Variants in C3 observed in about 807,000 individuals in gnomAD.
C3 encodes complement C3, also known as C3 and PZP-like alpha-2-macroglobulin domain-containing protein 1.
A neutral mutation model predicts 207.9 loss-of-function variants in C3; 97 were observed. That is an observed-to-expected ratio of 0.47 (90% CI 0.40 to 0.55). The LOEUF is 0.55. Ranked by LOEUF, C3 falls within the 20% of genes least tolerant of loss-of-function variation. The pLI is 0.00. For synonymous variants in C3, 848 were observed against 857.6 expected (o/e 0.99, Z 0.20); for missense variants, 1,684 against 2,171.7 (o/e 0.78, Z 4.46).
At chr19:6,689,217 G>T (rs756506296) in intron 27 of C3, among the ~76,000 whole-genome samples, 1 of 151,988 alleles carries the variant, frequency 6.6e-6, no homozygotes, top group Non-Finnish European at 1.5e-5. Context: ...CCAATTTACA[G>T]ATGCACATCC....
rs370787795 is a variant in C3, at chr19:6,678,041, A to T, written c.4851-18T>A. ...AGCTGAGGCTGGAGGGAAGAATGGC[A>T]GGTCAGGAAGGGGCGTGGTGTGGGC... On this transcript the variant is annotated intron_variant, in intron 40 of 40. Transcript: ENST00000245907. 3 of 1,614,104 alleles carry T rather than the reference A, an allele frequency of 1.9e-6. No homozygotes were observed. The African/African-American group carries it at 4.0e-5, about 22-fold the overall frequency.
chr19:6,680,119 T>C, intron 36 of C3, 39 bp downstream of exon 36: 1 of 1,125,260 alleles, frequency 8.9e-7, no homozygotes, highest in Non-Finnish European at 1.4e-6. Context: ...CTCAGGCCCC[T>C]GGAACCATCA....
intron 26 of C3, 129 bp downstream of exon 26, chr19:6,692,795 A>C: frequency 1.7e-6 from 2 of 1,178,220 alleles, no homozygotes; most frequent in East Asian, 2.3e-5. Flanking sequence ...GCCTGCCCCC[A>C]CCCCCCAGCC....
At chr19:6,718,008 G>T in intron 4 of C3, 86 bp downstream of exon 4, 2 of 1,316,464 alleles carry the variant, frequency 1.5e-6, no homozygotes, top group Non-Finnish European at 1.1e-6. Context: ...CACCCCTTCC[G>T]GTGTGTCTTT....
chr19:6,713,594 T>C, intron 7 of C3, 85 bp from the exon 8 acceptor site: 1 of 1,077,930 alleles, frequency 9.3e-7, no homozygotes. Flanking sequence ...TGCTGAAGAC[T>C]GGAGCCCCCA....
intron 17 of C3, among the ~76,000 whole-genome samples, chr19:6,704,879 C>A (rs1967741211): frequency 6.7e-6 from 1 of 148,518 alleles, no homozygotes; most frequent in Non-Finnish European, 1.5e-5. Flanking sequence ...GCCTGGGTGA[C>A]AGAGCAAGAT....
chr19:6,718,174 G>A lies in C3; in HGVS notation c.434-10C>T. ...AAGATCCGATAGAGAACTGGGGAGAGACAAAGAGGCCTCGTGAGACCCTAG... is the reference window on the plus strand; with the variant it reads ...AAGATCCGATAGAGAACTGGGGAGAAACAAAGAGGCCTCGTGAGACCCTAG... On this transcript the variant is annotated splice_polypyrimidine_tract_variant and intron_variant, in intron 3 of 40. Coordinates refer to ENST00000245907, the MANE Select transcript of C3 (RefSeq NM_000064.4). 1.2e-6 allele frequency: 2 copies of A among 1,614,174 alleles called. No homozygotes were observed. Among genetic ancestry groups the A allele is most frequent in the Non-Finnish European group, 1.7e-6 (2 of 1,180,022 alleles).
rs181489450 is a variant in C3 at position 6,684,369 on chromosome 19, C to T, written c.4172+19G>A. On this transcript the variant is annotated intron_variant, in intron 33 of 40. Transcript: ENST00000245907. ...ATAGAGGGATGGCCAAGATGAACCCCGGTGACCTAGCTTCTTACCTGGTAC... is the reference window on the plus strand; with the variant it reads ...ATAGAGGGATGGCCAAGATGAACCCTGGTGACCTAGCTTCTTACCTGGTAC... The T allele has an allele frequency of 1.1e-3, 1,780 of 1,608,424 alleles. 2 individuals are homozygous for T. Among genetic ancestry groups the T allele is most frequent in the Non-Finnish European group, 1.5e-3 (1,705 of 1,174,826 alleles).
intron 24 of C3, among the ~76,000 whole-genome samples, chr19:6,694,155 C>T (rs1231710735): frequency 1.0e-5 from 1 of 98,156 alleles, no homozygotes; most frequent in Admixed American, 9.9e-5. Flanking sequence ...GAGTCAGGGC[C>T]TCAGAGGGCG....
intron 11 of C3, 66 bp downstream of exon 11, chr19:6,712,191 T>C: frequency 6.3e-7 from 1 of 1,595,756 alleles, no homozygotes; most frequent in Non-Finnish European, 8.6e-7. Flanking sequence ...GACCCCACTG[T>C]GCAAACACCA....
In C3 at chr19:6,697,050, A is replaced by AAT. The variant is rs1410357244; in HGVS notation, c.2796+293_2796+294insAT. On this transcript the variant is annotated intron_variant, in intron 21 of 40. Coordinates refer to ENST00000245907, the MANE Select transcript of C3 (RefSeq NM_000064.4). ...GAGTGAGACTCTGTCTCAAAAAAAT[A>AAT]AACAAACAAATAAATAAATAAATAA... Among the ~76,000 whole-genome samples the AAT allele has an allele frequency of 1.0e-3, 95 of 93,042 alleles. 2 individuals are homozygous for AAT. Among genetic ancestry groups the AAT allele is most frequent in the African/African-American group, 3.5e-3 (94 of 26,728 alleles). 61.0% of individuals were successfully genotyped at this position (93,042 alleles called of 152,430 possible).
At chr19:6,720,437 C>T (rs1175183616) in intron 1 of C3, 79 bp downstream of exon 1, 1 of 1,030,798 alleles carries the variant, frequency 9.7e-7, no homozygotes, top group Non-Finnish European at 1.5e-6. Flanking sequence ...ACCCTGAATT[C>T]TACAGGGACC....
In C3 at chr19:6,696,475, G is replaced by A; in HGVS notation, c.2864-10C>T. On this transcript the variant is annotated splice_polypyrimidine_tract_variant and intron_variant, in intron 22 of 40. Transcript: ENST00000245907. ...TCTTTCTGCACTCCTTCTGCAGGGT[G>A]AGTGAGAGATACCGATGGCTCTAGC... is the stretch of plus-strand genomic sequence containing the variant. 4 of 1,609,680 alleles carry A rather than the reference G, an allele frequency of 2.5e-6. No homozygotes were observed. The highest frequency in any genetic ancestry group is 3.4e-6 in the Non-Finnish European group (4 of 1,176,120).
intron 18 of C3, 106 bp downstream of exon 18, chr19:6,702,365 C>T: frequency 2.0e-6 from 2 of 992,648 alleles, no homozygotes; most frequent in Non-Finnish European, 3.2e-6. Context: ...CTAGGTTGGG[C>T]TGTGGGGTTG....
chr19:6,717,466 G>C (rs984067499), intron 4 of C3: 2 of 192,670 alleles, frequency 1.0e-5, no homozygotes, highest in Admixed American at 1.1e-4. Flanking sequence ...GTTGTGTGTT[G>C]GGTTGTGTGT....
At chr19:6,693,187 G>C (rs1599506227) in intron 25 of C3, 104 bp from the exon 26 acceptor site, 2 of 1,384,550 alleles carry the variant, frequency 1.4e-6, no homozygotes, top group South Asian at 2.3e-5. Flanking sequence ...GGCCCAGTTT[G>C]CCTGGTTTGC....
At chr19:6,702,094 G>C in intron 19 of C3, 33 bp downstream of exon 19, 3 of 1,213,512 alleles carry the variant, frequency 2.5e-6, no homozygotes, top group Non-Finnish European at 1.2e-6. Flanking sequence ...TGGGGTCCCT[G>C]CCTCCCGGGG....
chr19:6,707,675 G>A (rs1020409357), intron 15 of C3, 125 bp downstream of exon 15: 7 of 1,522,112 alleles, frequency 4.6e-6, no homozygotes, highest in South Asian at 4.5e-5. Flanking sequence ...AGAGGGGAGG[G>A]ATTTACTAGG....
chr19:6,710,547 G>A, intron 13 of C3, 92 bp downstream of exon 13: 2 of 965,166 alleles, frequency 2.1e-6, no homozygotes, highest in Non-Finnish European at 3.2e-6. Flanking sequence ...AAAGGAGAAA[G>A]GGAGAGAGAG....
Sources: gnomAD v4.1 joint callset for allele counts (sites outside exome capture counted in the v4.1 genomes callset) on GRCh38, gnomAD v4.1.1 for gene constraint, MANE v1.5 for transcripts, NCBI Gene and HGNC (gene_info 2026-07-23, HGNC 2026-07-21) for gene names.